The following CABIN1 variants were observed in gnomAD, a reference collection of about 807,000 sequenced individuals.
CABIN1 encodes calcineurin-binding protein cabin-1.
Under a neutral mutation model 227.7 loss-of-function variants are expected in CABIN1, and 133 were observed. The observed-to-expected ratio is 0.58, with a 90% confidence interval of 0.51 to 0.67. The LOEUF (loss-of-function observed/expected upper bound fraction) is 0.67. Ranked by LOEUF, CABIN1 falls within the 30% of genes least tolerant of loss-of-function variation. The pLI is 0.00. For missense variants in CABIN1, 2,408 were observed against 2,852.5 expected, an observed-to-expected ratio of 0.84 and a Z score of 3.55; for synonymous variants, 1,086 against 1,155.1, an observed-to-expected ratio of 0.94 and a Z score of 1.21.
At chr22:24,173,463 A>G (rs1216258959) in intron 34 of CABIN1, 2 of 152,170 alleles carry the variant, frequency 1.3e-5, no homozygotes, top group South Asian at 2.1e-4. Flanking sequence ...ACAAAGAATT[A>G]CTTCCCTTTG....
At chr22:24,072,266 C>A (rs1211827681) in intron 17 of CABIN1, 88 bp from the exon 18 acceptor site, 1 of 1,439,458 alleles carries the variant, frequency 6.9e-7, no homozygotes, top group Non-Finnish European at 9.7e-7. Flanking sequence ...CATACCAGCT[C>A]CCCAAGAGGC....
intron 29 of CABIN1, among the ~76,000 whole-genome samples, chr22:24,140,268 T>C (rs2044673365): frequency 6.6e-6 from 1 of 152,320 alleles, no homozygotes; most frequent in Admixed American, 6.5e-5. Context: ...CATGACTGGC[T>C]GGCCCCCACA....
chr22:24,082,485 A>G (rs2040874529), intron 19 of CABIN1, among the ~76,000 whole-genome samples: 1 of 152,114 alleles, frequency 6.6e-6, no homozygotes, highest in Non-Finnish European at 1.5e-5. Context: ...GGTGTTTGCT[A>G]TTTTTATATA....
intron 3 of CABIN1, among the ~76,000 whole-genome samples, chr22:24,037,176 C>T (rs1177024676): frequency 6.7e-6 from 1 of 149,464 alleles, no homozygotes; most frequent in Non-Finnish European, 1.5e-5. Flanking sequence ...AGGACAATAG[C>T]TTGAGCCTGG....
chr22:24,084,707 C>T lies in CABIN1; in HGVS notation c.3039C>T (p.Ala1013=). The change falls in exon 21 of 37, where the codon GCC becomes GCT. Residue 1013 remains alanine, a synonymous_variant. Coordinates refer to ENST00000263119, the MANE Select transcript of CABIN1 (RefSeq NM_012295.4). ...ADLANLLKRI[A]TIVPRTERPA... is the part of the protein sequence containing the mutation. Reference sequence around the variant, plus strand: ...TGGCCAACCTACTGAAGAGAATTGCCACCATTGTGCCTCGCACAGAGAGGC... The same window carrying T: ...TGGCCAACCTACTGAAGAGAATTGCTACCATTGTGCCTCGCACAGAGAGGC... The T allele has an allele frequency of 6.2e-7, 1 of 1,614,218 alleles. No homozygotes were observed. The highest frequency in any genetic ancestry group is 1.1e-5 in the South Asian group (1 of 91,086).
intron 27 of CABIN1, among the ~76,000 whole-genome samples, chr22:24,118,671 TTTC>T (rs1299455491): frequency 6.6e-6 from 1 of 152,198 alleles, no homozygotes; most frequent in African/African-American, 2.4e-5. Context: ...GCCAGATAGC[TTTC>T]TTCTTCTGTA....
intron 23 of CABIN1, among the ~76,000 whole-genome samples, chr22:24,090,865 C>T (rs991576785): frequency 1.3e-5 from 2 of 152,162 alleles, no homozygotes; most frequent in Admixed American, 6.5e-5. Context: ...TGGGCTTGCA[C>T]ATGCAGGCTT....
intron 33 of CABIN1, chr22:24,170,123 T>C (rs1448119757): frequency 2.2e-6 from 1 of 457,816 alleles, no homozygotes. Flanking sequence ...CCTGCCTGCT[T>C]CCCAGACCCT....
At chr22:24,169,775 T>C (rs2046680033) in intron 33 of CABIN1, among the ~76,000 whole-genome samples, 1 of 152,088 alleles carries the variant, frequency 6.6e-6, no homozygotes, top group Non-Finnish European at 1.5e-5. Flanking sequence ...GCTTTTGACG[T>C]CCTTAAAAGA....
chr22:24,139,088 T>C (rs1458721886), intron 29 of CABIN1, among the ~76,000 whole-genome samples: 1 of 152,218 alleles, frequency 6.6e-6, no homozygotes, highest in Non-Finnish European at 1.5e-5. Flanking sequence ...TCTTGTCATA[T>C]ATATCATAAT....
chr22:24,078,565 G>A (rs2040592464), intron 19 of CABIN1, among the ~76,000 whole-genome samples: 3 of 152,160 alleles, frequency 2.0e-5, no homozygotes, highest in Admixed American at 2.0e-4. Context: ...ATCCTCTTGA[G>A]TCTCTTCTTT....
chr22:24,132,180 C>A (rs903400008), intron 28 of CABIN1, among the ~76,000 whole-genome samples: 2 of 152,128 alleles, frequency 1.3e-5, no homozygotes, highest in Non-Finnish European at 2.9e-5. Flanking sequence ...TTGGGAAATA[C>A]TTTGAACCAA....
At chr22:24,033,238 C>A (rs1042976460) in intron 1 of CABIN1, among the ~76,000 whole-genome samples, 1 of 152,186 alleles carries the variant, frequency 6.6e-6, no homozygotes, top group Non-Finnish European at 1.5e-5. Flanking sequence ...CTTGCATGAA[C>A]CCTTAAGAGA....
At position 24,041,259 on chromosome 22, in the gene CABIN1, G is replaced by A. The variant is rs1305249076; in HGVS notation, c.331G>A (p.Glu111Lys). The change falls in exon 5 of 37, where the codon GAG becomes AAG. Residue 111 changes from glutamate (E) to lysine (K), a missense_variant. Glu to Lys is a moderately conservative substitution (Grantham distance 56, BLOSUM62 1). This residue lies in a region of CABIN1 where 1,045 missense variants were observed against 1,168.4 expected (regional missense o/e 0.89). Transcript: ENST00000263119. ...GCGGGAGGATCTGGAGACAGCCATG[G>A]AGTTCTACTTAGAGGTGTGGTTTTG... The part of the protein sequence containing the change: ...AQREDLETAM[E>K]FYLEAVMLDS... 3 of 1,614,098 alleles carry A rather than the reference G, an allele frequency of 1.9e-6. No homozygotes were observed. The Admixed American group carries it at 5.0e-5, about 27-fold the overall frequency.
intron 16 of CABIN1, among the ~76,000 whole-genome samples, chr22:24,069,573 T>A (rs201119708): frequency 6.6e-6 from 1 of 152,228 alleles, no homozygotes; most frequent in Non-Finnish European, 1.5e-5. Flanking sequence ...TTTATCATGC[T>A]GGAAAATAAT....
intron 29 of CABIN1, chr22:24,156,153 C>T: frequency 2.5e-6 from 1 of 394,000 alleles, no homozygotes; most frequent in Non-Finnish European, 4.5e-6. Flanking sequence ...AACCGCTTCG[C>T]CTCCGCTGCC....
intron 19 of CABIN1, among the ~76,000 whole-genome samples, chr22:24,081,356 A>C (rs549696649): frequency 1.3e-5 from 2 of 152,210 alleles, no homozygotes; most frequent in Non-Finnish European, 2.9e-5. Flanking sequence ...AGGTCCAATT[A>C]GATTTTCTCT....
intron 20 of CABIN1, among the ~76,000 whole-genome samples, chr22:24,084,357 ACCT>A (rs1003316493): frequency 1.2e-4 from 18 of 149,414 alleles, no homozygotes; most frequent in African/African-American, 3.7e-4. Context: ...TCCTGCCGCA[ACCT>A]CCTGAGTAGC....
rs747692408 is a variant in CABIN1 at position 24,095,927 on chromosome 22, C to T, written c.3787-4C>T. On this transcript the variant is annotated splice_polypyrimidine_tract_variant and splice_region_variant and intron_variant, in intron 24 of 36. Transcript: ENST00000263119. ...TGCTCACACTAGAGGTGTCGTTCTC[C>T]TAGGTGTACTTTCGGCTCCATGCTT... 6 of 1,613,812 alleles carry T rather than the reference C, an allele frequency of 3.7e-6. No individual in the cohort carries two copies. In the East Asian group the frequency reaches 8.9e-5, roughly 24 times the overall value.
Sources: gnomAD v4.1 joint callset for allele counts (sites outside exome capture counted in the v4.1 genomes callset) on GRCh38, gnomAD v4.1.1 for gene constraint, gnomAD v4.1.1 regional missense constraint, MANE v1.5 for transcripts, NCBI Gene and HGNC (gene_info 2026-07-23, HGNC 2026-07-21) for gene names.